Variants in ADGRG1 observed in about 807,000 individuals in gnomAD.
ADGRG1 encodes the protein 7-transmembrane protein with no EGF-like N-terminal domains-1.
In ADGRG1, 53 loss-of-function variants were observed where a neutral mutation model predicts 73.5. The observed-to-expected ratio is 0.72, with a 90% CI of 0.58 to 0.91. The LOEUF is 0.91. ADGRG1 is among the 40% of genes least tolerant of loss of function. The pLI, the probability that ADGRG1 is intolerant of heterozygous loss-of-function variation, is 0.00. For missense variants in ADGRG1, 795 were observed against 871.8 expected (o/e 0.91, Z 1.11); for synonymous variants, 394 against 374.4 (o/e 1.05, Z -0.60).
chr16:57,628,499 C>A (rs1267210599), upstream of ADGRG1: 3 of 985,334 alleles, frequency 3.0e-6, no homozygotes, highest in African/African-American at 3.5e-5. Flanking sequence ...CCCTCCTGGT[C>A]TCCCTCTGAG....
rs11867121 is a variant in ADGRG1, at chr16:57,665,380, A to T, written c.*1798A>T. On this transcript the variant is annotated 3_prime_UTR_variant, in exon 14 of 14. Coordinates refer to ENST00000562631, the MANE Select transcript of ADGRG1 (RefSeq NM_201525.4). ...CATGTAGCCAGACCACCTGCCTTTT[A>T]TGAGAAATGGGAAATCCAGACTGTG... 6.6e-6 allele frequency: 1 copy of T among 152,228 alleles called. No homozygotes were observed. Among genetic ancestry groups the T allele is most frequent in the African/African-American group, 2.4e-5 (1 of 41,454 alleles). 9.4% of individuals were successfully genotyped at this position (152,228 alleles called of 1,614,324 possible).
At chr16:57,623,917 C>A, upstream of ADGRG1, 1 of 725,796 alleles carries the variant, frequency 1.4e-6, no homozygotes, top group Non-Finnish European at 1.7e-6. Context: ...CAACTTGCTG[C>A]AAAGCTTTGG....
At chr16:57,661,643 A>G in intron 12 of ADGRG1, 54 bp from the exon 13 acceptor site, 2 of 1,578,020 alleles carry the variant, frequency 1.3e-6, no homozygotes, top group Non-Finnish European at 1.7e-6. Context: ...ACCACAGCCC[A>G]GGAAATGCTG....
chr16:57,662,068 C>A, intron 13 of ADGRG1, 103 bp downstream of exon 13: 1 of 910,874 alleles, frequency 1.1e-6, no homozygotes, highest in Non-Finnish European at 1.8e-6. Context: ...CTTCTCTGGG[C>A]CTCAGTCATC....
intron 1 of ADGRG1, chr16:57,633,010 C>T (rs912236416): frequency 4.5e-5 from 42 of 928,740 alleles, no homozygotes; most frequent in East Asian, 1.2e-4. Context: ...TTTCCCCTCC[C>T]GTCCCCAGGT....
chr16:57,632,478 G>A (rs1473916750), intron 1 of ADGRG1: 5 of 311,316 alleles, frequency 1.6e-5, no homozygotes, highest in Admixed American at 6.5e-5. Context: ...TTTCCCATAC[G>A]TGGGAATGTT....
At chr16:57,640,789 G>T (rs2040625822) in intron 1 of ADGRG1, 1 of 673,330 alleles carries the variant, frequency 1.5e-6, no homozygotes. Flanking sequence ...GAGGAAAAAA[G>T]AAAGGGAGGG....
At chr16:57,637,152 G>C in intron 1 of ADGRG1, 1 of 206,632 alleles carries the variant, frequency 4.8e-6, no homozygotes, top group Non-Finnish European at 8.5e-6. Flanking sequence ...GAGTAGGCTT[G>C]TGGTCACTGG....
At chr16:57,660,542 G>A (rs2046834856) in intron 11 of ADGRG1, 1 of 743,012 alleles carries the variant, frequency 1.3e-6, no homozygotes, top group Non-Finnish European at 1.6e-6. Flanking sequence ...GTGACGAAGG[G>A]CAGGGCTAAG....
At chr16:57,648,412 GC>G in intron 1 of ADGRG1, 1 of 972,368 alleles carries the variant, frequency 1.0e-6, no homozygotes, top group Non-Finnish European at 1.2e-6. Flanking sequence ...GCTCTGTGAT[GC>G]CACCAGGGCA....
intron 1 of ADGRG1, chr16:57,629,970 C>G (rs2147228311): frequency 1.0e-6 from 1 of 984,556 alleles, no homozygotes; most frequent in South Asian, 4.7e-5. Flanking sequence ...CCCACCCCCA[C>G]CAATGTGGAG....
At chr16:57,652,262 A>ATGG in intron 3 of ADGRG1, 8 of 447,374 alleles carry the variant, frequency 1.8e-5, no homozygotes, top group Non-Finnish European at 2.4e-5. Context: ...GCACCATTAA[A>ATGG]TGCTGAATGG....
upstream of ADGRG1, chr16:57,623,009 C>T (rs13338355): frequency 7.5e-3 from 7,392 of 985,340 alleles, 385 homozygotes; most frequent in African/African-American, 0.11. Flanking sequence ...GGTCAAGTTG[C>T]CATTGGAACC....
Position 57,661,833 on chromosome 16 carries a change from T to C in ADGRG1, c.1801T>C (p.Ser601Pro). Residue 601 changes from serine (S) to proline (P), a missense_variant, in exon 13 of 14, where the codon TCA becomes CCA. Coordinates refer to ENST00000562631, the MANE Select transcript of ADGRG1 (RefSeq NM_201525.4). ...GCTGCGCCCCCACACCCAAAAGTGG[T>C]CACATGTGCTGACACTGCTGGGCCT... ...LRLRPHTQKW[S>P]HVLTLLGLSL... 1.2e-6 allele frequency: 2 copies of C among 1,614,214 alleles called. No homozygotes were observed. The highest frequency in any genetic ancestry group is 1.7e-6 in the Non-Finnish European group (2 of 1,180,008).
chr16:57,638,332 G>A (rs2039881476), intron 1 of ADGRG1, among the ~76,000 whole-genome samples: 1 of 152,186 alleles, frequency 6.6e-6, no homozygotes, highest in Non-Finnish European at 1.5e-5. Context: ...CAATCTGTAA[G>A]GTGGGTCCCC....
At chr16:57,644,100 A>G (rs955543393) in intron 1 of ADGRG1, 1 of 985,186 alleles carries the variant, frequency 1.0e-6, no homozygotes, top group Middle Eastern at 5.2e-4. Flanking sequence ...TGCTCTTTGC[A>G]CTGTGCCCCG....
At chr16:57,625,913 C>T (rs2035746021), upstream of ADGRG1, among the ~76,000 whole-genome samples, 1 of 152,202 alleles carries the variant, frequency 6.6e-6, no homozygotes, top group African/African-American at 2.4e-5. Context: ...GCCCTTCCTG[C>T]TGGTCTCTGT....
At chr16:57,652,035 AG>A (rs1202401304) in intron 3 of ADGRG1, 9 of 1,083,584 alleles carry the variant, frequency 8.3e-6, no homozygotes, top group Non-Finnish European at 1.0e-5. Context: ...TTCCTTTCAC[AG>A]AGGAGGAAAC....
At chr16:57,642,508 C>T (rs564779355) in intron 1 of ADGRG1, 180 of 983,514 alleles carry the variant, frequency 1.8e-4, no homozygotes, top group Non-Finnish European at 2.1e-4. Context: ...AACAGGTGTC[C>T]GTGCAAAAAA....
Sources: gnomAD v4.1 joint callset for allele counts (sites outside exome capture counted in the v4.1 genomes callset) on GRCh38, gnomAD v4.1.1 for gene constraint, MANE v1.5 for transcripts, NCBI Gene and HGNC (gene_info 2026-07-23, HGNC 2026-07-21) for gene names.